Variants in GPRIN2 observed in about 807,000 individuals in gnomAD.
GPRIN2 encodes G protein-regulated inducer of neurite outgrowth 2.
Under a neutral mutation model 0.3 loss-of-function variants are expected in GPRIN2, and 1 was observed. That is an observed-to-expected ratio of 3.90 (90% CI 1.39 to 18.51). GPRIN2 has a LOEUF of 18.51. GPRIN2 is among the 30% of genes most tolerant of loss of function. The pLI is 0.11. For missense variants in GPRIN2, 880 were observed against 604.2 expected (o/e 1.46, Z -4.79); for synonymous variants, 361 against 258.6 (o/e 1.40, Z -3.80).
rs1225305686 is a variant in GPRIN2, at chr10:46,550,334, C to T, written c.403G>A (p.Gly135Ser). ...CAGCTGAGACTGGCCTTCCGAGCAC[C>T]ACTGTGTCCCCGCATCTGGGTGCTA... ...VRSTQMRGHS[G>S]ARKASLSCSA... The change falls in exon 3 of 3, where the codon GGT becomes AGT. Residue 135 changes from glycine to serine, a missense_variant. Coordinates refer to ENST00000374314, the MANE Select transcript of GPRIN2 (RefSeq NM_001385282.1). The T allele has an allele frequency of 6.2e-6, 10 of 1,613,012 alleles. No homozygotes were observed. The Admixed American group carries it at 1.2e-4, about 19-fold the overall frequency.
intron 1 of GPRIN2, among the ~76,000 whole-genome samples, chr10:46,554,974 T>C (rs1213780126): frequency 6.6e-6 from 1 of 152,308 alleles, no homozygotes. Context: ...TGAGACAGAG[T>C]CTCGCTCTGT....
rs1307199876 is a variant in GPRIN2 at position 46,548,587 on chromosome 10, A to G, written c.*773T>C. On this transcript the variant is annotated 3_prime_UTR_variant, in exon 3 of 3. Transcript: ENST00000374314. ...GTAATGGTCAGCATCCTCCCCTGCC[A>G]TCCCCAACCCACACCATGAGCTCAG... 1.3e-5 allele frequency among the ~76,000 whole-genome samples: 2 copies of G among 152,310 alleles called. No homozygotes were observed. The highest frequency in any genetic ancestry group is 6.5e-5 in the Admixed American group (1 of 15,294).
rs1832671496 is a variant in GPRIN2, at chr10:46,549,579, A to G, written c.1158T>C (p.Ala386=). ...CGTACACCTCCCATGTCATGCCCTC[A>G]GCATCCCATCGCACATCCCGCACAG... ...PSPVRDVRWD[A]EGMTWEVYGA... is the part of the protein sequence containing the mutation. Residue 386 remains alanine, a synonymous_variant, in exon 3 of 3, where the codon GCT becomes GCC. Transcript: ENST00000374314. 3.0e-5 allele frequency: 49 copies of G among 1,614,036 alleles called. No homozygotes were observed. The highest frequency in any genetic ancestry group is 6.7e-5 in the African/African-American group (5 of 74,964).
rs1206808723 is a variant in GPRIN2 at position 46,543,903 on chromosome 10, C to A, written c.*5457G>T. 1.3e-5 allele frequency among the ~76,000 whole-genome samples: 2 copies of A among 152,228 alleles called. No individual in the cohort carries two copies. Among genetic ancestry groups the A allele is most frequent in the Admixed American group, 6.5e-5 (1 of 15,292 alleles). On this transcript the variant is annotated 3_prime_UTR_variant, in exon 3 of 3. Coordinates refer to ENST00000374314, the MANE Select transcript of GPRIN2 (RefSeq NM_001385282.1). The stretch of plus-strand genomic sequence containing the variant: ...CATTCACCCAACTCTTGGGACAAGG[C>A]AGTCAGACCCCACCACCCATCCCCA...
Position 46,550,423 on chromosome 10 carries a change from T to G in GPRIN2, c.314A>C (p.Asp105Ala). ...VGNVSTMGGS[D>A]LCRLRAPSAA... ...ACTAGGGGCCCGCAGGCGACACAGG[T>G]CACTGCCGCCCATGGTGGACACATT... The change falls in exon 3 of 3, where the codon GAC (aspartate) becomes GCC (alanine). Residue 105 changes from aspartate to alanine, a missense_variant. Transcript: ENST00000374314. The G allele has an allele frequency of 6.2e-7, 1 of 1,611,790 alleles. No individual in the cohort carries two copies.
At chr10:46,557,563 C>T (rs1431762279), upstream of GPRIN2, among the ~76,000 whole-genome samples, 57 of 152,278 alleles carry the variant, frequency 3.7e-4, no homozygotes, top group African/African-American at 1.3e-3. Context: ...CACTGGAGCC[C>T]GCCTTCTTCT....
rs1832891236 is a variant in GPRIN2 at position 46,546,672 on chromosome 10, A to G, written c.*2688T>C. Among the ~76,000 whole-genome samples the G allele has an allele frequency of 1.7e-4, 26 of 152,292 alleles. No individual in the cohort carries two copies. The highest frequency in any genetic ancestry group is 3.4e-4 in the Non-Finnish European group (23 of 68,042). ...GGGGCCCTAAACCACTGCAGGCATC[A>G]GGGCTGTTCCAGGAGAGGGCACAGC... On this transcript the variant is annotated 3_prime_UTR_variant, in exon 3 of 3. Transcript: ENST00000374314.
rs1256685856 is a variant in GPRIN2 at position 46,543,575 on chromosome 10, G to C, written c.*5785C>G. 6.6e-6 allele frequency among the ~76,000 whole-genome samples: 1 copy of C among 152,306 alleles called. No individual in the cohort carries two copies. The highest frequency in any genetic ancestry group is 6.5e-5 in the Admixed American group (1 of 15,294). On this transcript the variant is annotated 3_prime_UTR_variant, in exon 3 of 3. Transcript: ENST00000374314. The stretch of plus-strand genomic sequence containing the variant: ...GCACACTCTGTCTTTTCTCAGGAAA[G>C]CTGCAGGGAAATGAAAAGCTCCAGG...
At position 46,548,257 on chromosome 10, in the gene GPRIN2, T is replaced by C. The variant is rs1232874004; in HGVS notation, c.*1103A>G. Among the ~76,000 whole-genome samples the C allele has an allele frequency of 1.3e-5, 2 of 152,298 alleles. No individual in the cohort carries two copies. Among genetic ancestry groups the C allele is most frequent in the Non-Finnish European group, 2.9e-5 (2 of 68,058 alleles). ...CAGACTGTGCCAAAGCCCATGTTTC[T>C]GTCTCTCCAAGGCCCCTGGCCCCCA... is the stretch of plus-strand genomic sequence containing the variant. On this transcript the variant is annotated 3_prime_UTR_variant, in exon 3 of 3. Coordinates refer to ENST00000374314, the MANE Select transcript of GPRIN2 (RefSeq NM_001385282.1).
chr10:46,549,572 T>G lies in GPRIN2; in HGVS notation c.1165A>C (p.Met389Leu), dbSNP rs1832674728. ...GCAGCTCCGTACACCTCCCATGTCA[T>G]GCCCTCAGCATCCCATCGCACATCC... is the stretch of plus-strand genomic sequence containing the variant. ...VRDVRWDAEGMTWEVYGAAVD... is the reference protein window; with the variant it reads ...VRDVRWDAEGLTWEVYGAAVD... Residue 389 changes from methionine (M) to leucine (L), a missense_variant, in exon 3 of 3, where the codon ATG becomes CTG. Coordinates refer to ENST00000374314, the MANE Select transcript of GPRIN2 (RefSeq NM_001385282.1). 6.2e-7 allele frequency: 1 copy of G among 1,614,044 alleles called. No individual in the cohort carries two copies. Among genetic ancestry groups the G allele is most frequent in the African/African-American group, 1.3e-5 (1 of 74,962 alleles).
chr10:46,555,505 C>G (rs1365452352), intron 1 of GPRIN2: 1 of 153,720 alleles, frequency 6.5e-6, no homozygotes, highest in Admixed American at 6.5e-5. Context: ...AGGGCCAACT[C>G]TGGGCAAAGC....
chr10:46,546,997 C>T lies in GPRIN2; in HGVS notation c.*2363G>A, dbSNP rs1330118841. ...GAGTGGCACCCAGCCAGCGTGAATG[C>T]ATAAGAATCTGCACGTGACACAGAA... On this transcript the variant is annotated 3_prime_UTR_variant, in exon 3 of 3. Coordinates refer to ENST00000374314, the MANE Select transcript of GPRIN2 (RefSeq NM_001385282.1). Among the ~76,000 whole-genome samples, 2 of 152,310 alleles carry T rather than the reference C, an allele frequency of 1.3e-5. No homozygotes were observed. Among genetic ancestry groups the T allele is most frequent in the African/African-American group, 2.4e-5 (1 of 41,486 alleles).
At position 46,550,368 on chromosome 10, in the gene GPRIN2, G is replaced by A; in HGVS notation, c.369C>T (p.Asp123=). ...CCCGCATCTGGGTGCTACGGACCAG[G>A]TCTGAATGGCTCCTCTGCATAGCAG... is the stretch of plus-strand genomic sequence containing the variant. The part of the protein sequence containing the change: ...SAAAMQRSHS[D]LVRSTQMRGH... The change falls in exon 3 of 3, where the codon GAC becomes GAT. Residue 123 remains aspartate, a synonymous_variant. Transcript: ENST00000374314. 1.2e-6 allele frequency: 2 copies of A among 1,612,758 alleles called. No individual in the cohort carries two copies. The highest frequency in any genetic ancestry group is 1.7e-6 in the Non-Finnish European group (2 of 1,179,858).
chr10:46,549,221 G>C lies in GPRIN2; in HGVS notation c.*139C>G, dbSNP rs1842428982. ...CGGAAGCCCCAGGCTGCAGTCCTGT[G>C]GTCTGGAGGCAGCCAATATTCAGGT... On this transcript the variant is annotated 3_prime_UTR_variant, in exon 3 of 3. Transcript: ENST00000374314. 5.9e-6 allele frequency: 7 copies of C among 1,183,732 alleles called. No homozygotes were observed. The South Asian group carries it at 1.3e-4, about 23-fold the overall frequency. 73.3% of individuals were successfully genotyped at this position (1,183,732 alleles called of 1,614,324 possible).
At position 46,550,345 on chromosome 10, in the gene GPRIN2, C is replaced by G. The variant is rs1832400012; in HGVS notation, c.392G>C (p.Arg131Pro). 2 of 1,612,988 alleles carry G rather than the reference C, an allele frequency of 1.2e-6. No homozygotes were observed. The highest frequency in any genetic ancestry group is 1.7e-6 in the Non-Finnish European group (2 of 1,179,924). The change falls in exon 3 of 3, where the codon CGG (arginine) becomes CCG (proline). Residue 131 changes from arginine (R) to proline (P), a missense_variant. Arg to Pro is a moderately radical substitution (Grantham distance 103, BLOSUM62 -2). Transcript: ENST00000374314. The part of the protein sequence containing the change: ...HSDLVRSTQM[R>P]GHSGARKASL... ...GGCCTTCCGAGCACCACTGTGTCCC[C>G]GCATCTGGGTGCTACGGACCAGGTC...
chr10:46,543,335 A>G lies in GPRIN2; in HGVS notation c.*6025T>C, dbSNP rs926800249. On this transcript the variant is annotated 3_prime_UTR_variant, in exon 3 of 3. Coordinates refer to ENST00000374314, the MANE Select transcript of GPRIN2 (RefSeq NM_001385282.1). ...GCAGGAGGAGGCAGGAACAAGTACA[A>G]TGGACAGTGGGGAGGCAGACAGGTT... Among the ~76,000 whole-genome samples, 5 of 152,426 alleles carry G rather than the reference A, an allele frequency of 3.3e-5. No homozygotes were observed. Among genetic ancestry groups the G allele is most frequent in the Admixed American group, 6.5e-5 (1 of 15,312 alleles).
At position 46,549,472 on chromosome 10, in the gene GPRIN2, G is replaced by A. The variant is rs1832707225; in HGVS notation, c.1265C>T (p.Pro422Leu). Residue 422 changes from proline to leucine, a missense_variant, in exon 3 of 3, where the codon CCC becomes CTC. Transcript: ENST00000374314. ...CACAGACAGGCTGTCCTCGCTGGCG[G>A]GCGCCCGCTGCAGCTGCTCAAACTG... ...EMQFEQLQRA[P>L]ASEDSLSVEG... 6.2e-7 allele frequency: 1 copy of A among 1,610,594 alleles called. No homozygotes were observed. The highest frequency in any genetic ancestry group is 8.5e-7 in the Non-Finnish European group (1 of 1,178,336).
chr10:46,549,609 C>G lies in GPRIN2; in HGVS notation c.1128G>C (p.Pro376=). The change falls in exon 3 of 3, where the codon CCG becomes CCC. Residue 376 remains proline, a synonymous_variant. Transcript: ENST00000374314. ...VTLGSSLEEV[P]SPVRDVRWDA... is the part of the protein sequence containing the mutation. ...CCCATCGCACATCCCGCACAGGGGA[C>G]GGCACCTCCTCCAGGCTGGACCCCA... 1.9e-6 allele frequency: 3 copies of G among 1,614,088 alleles called. No individual in the cohort carries two copies. In the South Asian group the frequency reaches 3.3e-5, roughly 18 times the overall value.
rs1841854104 is a variant in GPRIN2 at position 46,542,747 on chromosome 10, A to C, written c.*6613T>G. ...CAGTCCCTAGCCTTGGCTCTTGGACACGAATCCAGTTCCTGACAGCAGAGA... is the reference window on the plus strand; with the variant it reads ...CAGTCCCTAGCCTTGGCTCTTGGACCCGAATCCAGTTCCTGACAGCAGAGA... On this transcript the variant is annotated 3_prime_UTR_variant, in exon 3 of 3. Transcript: ENST00000374314. Among the ~76,000 whole-genome samples the C allele has an allele frequency of 6.6e-6, 1 of 152,306 alleles. No homozygotes were observed. Among genetic ancestry groups the C allele is most frequent in the Non-Finnish European group, 1.5e-5 (1 of 68,054 alleles).
Sources: allele counts gnomAD v4.1 joint callset (sites outside exome capture counted in the v4.1 genomes callset), GRCh38; gene constraint gnomAD v4.1.1; transcripts MANE v1.5; gene names NCBI Gene and HGNC (gene_info 2026-07-23, HGNC 2026-07-21).